SLC38A8: variants seen among roughly 807,000 people sequenced by gnomAD.
The protein encoded by SLC38A8 is amino acid transporter SLC38A8.
A neutral mutation model predicts 46.0 loss-of-function variants in SLC38A8; 65 were observed. That is an observed-to-expected ratio of 1.41 (90% CI 1.16 to 1.74). The LOEUF is 1.74. SLC38A8 is among the 40% of genes most tolerant of loss of function. The pLI, the probability that SLC38A8 is intolerant of heterozygous loss-of-function variation, is 0.00. For synonymous variants in SLC38A8, 447 were observed against 243.7 expected (o/e 1.83, Z -7.77); for missense variants, 998 against 567.9 (o/e 1.76, Z -7.70).
chr16:84,010,027 G>A (rs2084936073), intron 10 of SLC38A8, 150 bp from the exon 11 acceptor site: 1 of 547,614 alleles, frequency 1.8e-6, no homozygotes, highest in Non-Finnish European at 3.0e-6. Flanking sequence ...TACCTGTAGG[G>A]ATGGGTTTCC....
intron 3 of SLC38A8, among the ~76,000 whole-genome samples, chr16:84,034,671 G>A (rs192583581): frequency 3.9e-5 from 6 of 152,358 alleles, no homozygotes; most frequent in African/African-American, 7.2e-5. Context: ...TCAAGCGTAC[G>A]AAATGATGAA....
upstream of SLC38A8, among the ~76,000 whole-genome samples, chr16:84,043,206 G>A (rs1015591539): frequency 2.0e-5 from 3 of 152,304 alleles, no homozygotes; most frequent in African/African-American, 4.8e-5. Context: ...TGGGGGAGGC[G>A]GCGGCTGCTG....
intron 9 of SLC38A8, among the ~76,000 whole-genome samples, chr16:84,015,081 G>A (rs2085009328): frequency 6.6e-6 from 1 of 152,050 alleles, no homozygotes; most frequent in Non-Finnish European, 1.5e-5. Context: ...CCTGGCTAAG[G>A]GTCCCCAAGC....
Position 84,010,164 on chromosome 16 carries a change from G to A in SLC38A8, c.1215-287C>T, listed in dbSNP as rs139978667. Reference sequence around the variant, plus strand: ...CGGCTCACTGCAGCCTCCACCTCCCGGGTTCAAGCAATTCTCCTGCCTCAG... The same window carrying A: ...CGGCTCACTGCAGCCTCCACCTCCCAGGTTCAAGCAATTCTCCTGCCTCAG... On this transcript the variant is annotated intron_variant, in intron 10 of 10. Coordinates refer to ENST00000299709, the MANE Select transcript of SLC38A8 (RefSeq NM_001080442.3). Among the ~76,000 whole-genome samples the A allele has an allele frequency of 9.7e-3, 1,362 of 140,756 alleles. 21 individuals are homozygous for A. Among genetic ancestry groups the A allele is most frequent in the African/African-American group, 0.035 (1,271 of 36,418 alleles). The allele number at this position is 140,756 out of a possible 152,430, so 92.3% of individuals were successfully genotyped here.
intron 10 of SLC38A8, among the ~76,000 whole-genome samples, chr16:84,012,110 C>T (rs1254603895): frequency 6.6e-6 from 1 of 152,194 alleles, no homozygotes; most frequent in Admixed American, 6.5e-5. Context: ...TGCTTTAAGC[C>T]TCCCCACCAT....
intron 10 of SLC38A8, among the ~76,000 whole-genome samples, chr16:84,010,982 G>A (rs368053024): frequency 1.3e-5 from 2 of 152,202 alleles, no homozygotes; most frequent in African/African-American, 4.8e-5. Flanking sequence ...AGATGGGGTA[G>A]ACAAGGAGGT....
At chr16:84,018,675 C>T (rs1472143584) in intron 7 of SLC38A8, among the ~76,000 whole-genome samples, 1 of 152,188 alleles carries the variant, frequency 6.6e-6, no homozygotes, top group African/African-American at 2.4e-5. Flanking sequence ...ACAATCACAT[C>T]AGCAGGAGAA....
intron 7 of SLC38A8, among the ~76,000 whole-genome samples, chr16:84,017,702 A>G (rs1307725526): frequency 1.3e-5 from 2 of 152,156 alleles, no homozygotes; most frequent in Non-Finnish European, 2.9e-5. Context: ...GGCATCAACC[A>G]ATACCTAGAA....
rs577272050 is a variant in SLC38A8, at chr16:84,017,075, T to C, written c.953+65A>G. The C allele has an allele frequency of 1.9e-3, 2,972 of 1,591,508 alleles. 8 individuals are homozygous for C. The highest frequency in any genetic ancestry group is 2.4e-3 in the Non-Finnish European group (2,802 of 1,168,168). ...AGCCGCGTAGCCCACACCTGGTACA[T>C]GCTCAATCACAGCACACATCAGCAG... On this transcript the variant is annotated intron_variant, in intron 8 of 10. Coordinates refer to ENST00000299709, the MANE Select transcript of SLC38A8 (RefSeq NM_001080442.3).
chr16:84,043,344 G>C (rs995543463), upstream of SLC38A8, among the ~76,000 whole-genome samples: 6 of 152,208 alleles, frequency 3.9e-5, no homozygotes, highest in Admixed American at 1.3e-4. Flanking sequence ...TCCGGAATTT[G>C]ACTGTTTATT....
chr16:84,016,659 G>C lies in SLC38A8; in HGVS notation c.1022C>G (p.Pro341Arg). 6.2e-7 allele frequency: 1 copy of C among 1,613,724 alleles called. No homozygotes were observed. Among genetic ancestry groups the C allele is most frequent in the South Asian group, 1.1e-5 (1 of 91,074 alleles). Residue 341 changes from proline (P) to arginine (R), a missense_variant, in exon 9 of 11, where the codon CCC becomes CGC. Coordinates refer to ENST00000299709, the MANE Select transcript of SLC38A8 (RefSeq NM_001080442.3). ...GGWGPSALAD[P>R]SGLWVRMPLT... ...CGGCATCCGGACCCACAGCCCTGAG[G>C]GGTCGGCCAGGGCGCTGGGCCCCCA...
chr16:84,036,158 A>T (rs917085990), intron 3 of SLC38A8, among the ~76,000 whole-genome samples: 1 of 152,260 alleles, frequency 6.6e-6, no homozygotes, highest in Non-Finnish European at 1.5e-5. Flanking sequence ...TTGTCAATTA[A>T]ACACTACAAT....
At chr16:84,015,457 C>T (rs2085013944) in intron 9 of SLC38A8, among the ~76,000 whole-genome samples, 1 of 152,048 alleles carries the variant, frequency 6.6e-6, no homozygotes. Flanking sequence ...ACGTGACTTT[C>T]ACATATACGA....
intron 3 of SLC38A8, among the ~76,000 whole-genome samples, chr16:84,034,698 G>T (rs1433808570): frequency 1.3e-5 from 2 of 152,210 alleles, no homozygotes; most frequent in African/African-American, 2.4e-5. Flanking sequence ...AGTTCCAAAA[G>T]CAGGTGGTCA....
At chr16:84,022,177 G>A (rs1253288844) in intron 7 of SLC38A8, among the ~76,000 whole-genome samples, 3 of 152,190 alleles carry the variant, frequency 2.0e-5, no homozygotes, top group Non-Finnish European at 4.4e-5. Context: ...ATTCACTGCA[G>A]CCCAAGAGCT....
chr16:84,034,777 G>A (rs573509863), intron 3 of SLC38A8, among the ~76,000 whole-genome samples: 4 of 152,220 alleles, frequency 2.6e-5, no homozygotes, highest in South Asian at 2.1e-4. Context: ...CACCGAGATC[G>A]TGGGTGAGTT....
At position 84,033,194 on chromosome 16, in the gene SLC38A8, A is replaced by T. The variant is rs1377927811; in HGVS notation, c.530+134T>A. On this transcript the variant is annotated intron_variant, in intron 4 of 10. Transcript: ENST00000299709. ...ATCATGCATACATTTTACTTGTATA[A>T]TTTTTTTTTCGTTTTCCCCTTCTCC... The T allele has an allele frequency of 1.0e-5, 12 of 1,191,958 alleles. No individual in the cohort carries two copies. In the Admixed American group the frequency reaches 2.0e-4, roughly 20 times the overall value. The allele number at this position is 1,191,958 out of a possible 1,614,324, so 73.8% of individuals were successfully genotyped here. A position where few individuals can be genotyped will look rare whatever the true frequency, so the allele number is the denominator to read the frequency against.
At chr16:84,030,267 A>G (rs761427081) in intron 5 of SLC38A8, among the ~76,000 whole-genome samples, 8 of 152,158 alleles carry the variant, frequency 5.3e-5, no homozygotes, top group Non-Finnish European at 8.8e-5. Flanking sequence ...CGGAGGGAGC[A>G]TGGCCTGACC....
intron 6 of SLC38A8, among the ~76,000 whole-genome samples, chr16:84,023,095 C>G (rs2085114952): frequency 6.6e-6 from 1 of 152,102 alleles, no homozygotes; most frequent in Admixed American, 6.6e-5. Flanking sequence ...GTTACATGCC[C>G]AAACACGCCA....
Sources: gnomAD v4.1 joint callset for allele counts (sites outside exome capture counted in the v4.1 genomes callset) on GRCh38, gnomAD v4.1.1 for gene constraint, MANE v1.5 for transcripts, NCBI Gene and HGNC (gene_info 2026-07-23, HGNC 2026-07-21) for gene names.